DUOX1: variants seen among roughly 807,000 people sequenced by gnomAD.
DUOX1 encodes dual oxidase 1.
A neutral mutation model predicts 181.8 loss-of-function variants in DUOX1; 134 were observed. The observed-to-expected ratio is 0.74, with a 90% CI of 0.64 to 0.85. The LOEUF is 0.85. Among genes scored for constraint, DUOX1 ranks in the 40% least tolerant of loss-of-function variants. The pLI is 0.00. For missense variants in DUOX1, 1,814 were observed against 2,064.4 expected (o/e 0.88, Z 2.35); for synonymous variants, 798 against 832.5 (o/e 0.96, Z 0.71).
intron 21 of DUOX1, among the ~76,000 whole-genome samples, chr15:45,149,748 A>C (rs1338789647): frequency 6.6e-6 from 1 of 152,216 alleles, no homozygotes; most frequent in Non-Finnish European, 1.5e-5. Context: ...AGTACTCCAG[A>C]GGCTGAGGCA....
intron 2 of DUOX1, among the ~76,000 whole-genome samples, chr15:45,132,857 A>G (rs938132): frequency 0.58 from 88,196 of 152,040 alleles, 29,596 homozygotes; most frequent in Non-Finnish European, 0.76. Flanking sequence ...TATGTGCCAC[A>G]GGTTCATTTT....
chr15:45,162,146 C>A (rs998478576), intron 30 of DUOX1, 73 bp from the exon 31 acceptor site: 45 of 1,557,780 alleles, frequency 2.9e-5, no homozygotes, highest in Non-Finnish European at 3.9e-5. Context: ...TCTACCTTTC[C>A]TTTTCTCTCA....
chr15:45,132,944 G>A (rs1453959948), intron 2 of DUOX1, among the ~76,000 whole-genome samples: 2 of 152,160 alleles, frequency 1.3e-5, no homozygotes, highest in Non-Finnish European at 2.9e-5. Context: ...ATCAGGCCCT[G>A]AGTCATTTTC....
chr15:45,150,698 T>C lies in DUOX1; in HGVS notation c.2885T>C (p.Ile962Thr), dbSNP rs16939743. The C allele has an allele frequency of 0.015, 23,965 of 1,613,792 alleles. 1,968 individuals are homozygous for C. The African/African-American group carries it at 0.2, about 14-fold the overall frequency. ...GCCTCCTACATCAGCCAGGATATGA[T>C]CTGGTGAGCACCCATCTGGGAATGT... ...RRASYISQDM[I>T]CPSPRVSARC... Residue 962 changes from isoleucine to threonine, a missense_variant, in exon 22 of 34, where the codon ATC becomes ACC. By Grantham distance (89) the Ile-to-Thr change is moderately conservative. This residue lies in a region of DUOX1 where 1,064 missense variants were observed against 1,152.9 expected (regional missense o/e 0.92). Coordinates refer to ENST00000389037, the MANE Select transcript of DUOX1 (RefSeq NM_175940.3).
intron 15 of DUOX1, among the ~76,000 whole-genome samples, chr15:45,142,789 G>GGAAGGAAGGATGGA (rs1480496555): frequency 7.2e-6 from 1 of 139,762 alleles, no homozygotes; most frequent in Admixed American, 7.4e-5. Context: ...GGAAGGAAGG[G>GGAAGGAAGGATGGA]AGGGAGGAAG....
intron 9 of DUOX1, among the ~76,000 whole-genome samples, chr15:45,136,942 T>C (rs1896334453): frequency 6.6e-6 from 1 of 152,032 alleles, no homozygotes; most frequent in Non-Finnish European, 1.5e-5. Flanking sequence ...CTGGGGACAT[T>C]TTTAGCTATA....
intron 1 of DUOX1, among the ~76,000 whole-genome samples, chr15:45,131,282 C>A (rs1896137193): frequency 6.6e-6 from 1 of 152,192 alleles, no homozygotes; most frequent in South Asian, 2.1e-4. Context: ...AGGAAGCTTG[C>A]ACTAAATACA....
chr15:45,133,271 C>T (rs917994540), intron 2 of DUOX1, among the ~76,000 whole-genome samples: 1 of 152,166 alleles, frequency 6.6e-6, no homozygotes, highest in Admixed American at 6.5e-5. Context: ...CAAAGTCATC[C>T]ACATCACCAG....
intron 25 of DUOX1, 62 bp downstream of exon 25, chr15:45,152,578 G>A (rs777300325): frequency 4.9e-6 from 7 of 1,423,848 alleles, no homozygotes; most frequent in Admixed American, 1.8e-5. Context: ...ACTTCCCCTC[G>A]TATGAGAGCC....
intron 28 of DUOX1, among the ~76,000 whole-genome samples, chr15:45,158,833 C>T (rs1304794168): frequency 6.6e-6 from 1 of 151,406 alleles, no homozygotes; most frequent in Non-Finnish European, 1.5e-5. Context: ...ACTTAGGATT[C>T]GCTGTGACAA....
In DUOX1 at chr15:45,134,225, C is replaced by A. The variant is rs755317599; in HGVS notation, c.223C>A (p.Pro75Thr). ...CTTGGGAGAACCCCACCTGCCCAAC[C>A]CCCGAGACCTTAGCAACACCATCTC... is the stretch of plus-strand genomic sequence containing the variant. ...QPLGEPHLPN[P>T]RDLSNTISRG... Residue 75 changes from proline to threonine, a missense_variant, in exon 4 of 34, where the codon CCC becomes ACC. Transcript: ENST00000389037. 6.4e-7 allele frequency: 1 copy of A among 1,572,328 alleles called. No homozygotes were observed. The highest frequency in any genetic ancestry group is 8.6e-7 in the Non-Finnish European group (1 of 1,162,424).
intron 3 of DUOX1, 45 bp downstream of exon 3, chr15:45,133,992 T>C: frequency 1.2e-6 from 2 of 1,603,118 alleles, no homozygotes; most frequent in Non-Finnish European, 1.7e-6. Context: ...GCCAGGGGGG[T>C]ACTGAGTGCT....
Position 45,138,062 on chromosome 15 carries a change from TTA to T in DUOX1, c.1113+50_1113+51del, listed in dbSNP as rs762089643. 6.5e-5 allele frequency: 81 copies of T among 1,240,756 alleles called. No homozygotes were observed. In the African/African-American group the frequency reaches 1.2e-3, roughly 18 times the overall value. The allele number at this position is 1,240,756 out of a possible 1,614,324, so 76.9% of individuals were successfully genotyped here. A position where few individuals can be genotyped will look rare whatever the true frequency, so the allele number is the denominator to read the frequency against. On this transcript the variant is annotated intron_variant, in intron 10 of 33. Coordinates refer to ENST00000389037, the MANE Select transcript of DUOX1 (RefSeq NM_175940.3). ...GTGGTGGATGTGTGTGTGTGCATGC[TTA>T]TGTGTGTGTGTGTATGTGTGTGTGT...
chr15:45,161,133 G>T, intron 29 of DUOX1, 143 bp downstream of exon 29: 1 of 1,290,636 alleles, frequency 7.7e-7, no homozygotes, highest in Non-Finnish European at 1.1e-6. Context: ...GCTGGTAGGG[G>T]CAAGGCGCAG....
chr15:45,160,994 C>T lies in DUOX1; in HGVS notation c.3856+4C>T. 1 of 1,614,098 alleles carries T rather than the reference C, an allele frequency of 6.2e-7. No homozygotes were observed. The highest frequency in any genetic ancestry group is 1.1e-5 in the South Asian group (1 of 91,070). On this transcript the variant is annotated splice_donor_region_variant and intron_variant, in intron 29 of 33. Transcript: ENST00000389037. ...AAGGCGGAGCTGCTGCCCTCAGGTA[C>T]CAGCCTGGCAGGAGATCAGCTTGGT... is the stretch of plus-strand genomic sequence containing the variant.
intron 1 of DUOX1, among the ~76,000 whole-genome samples, chr15:45,130,940 C>A (rs1896114996): frequency 6.6e-6 from 1 of 152,256 alleles, no homozygotes; most frequent in Non-Finnish European, 1.5e-5. Flanking sequence ...TAAAGGCCAG[C>A]ACCTGGACAG....
chr15:45,162,893 AG>A (rs1897143264), intron 31 of DUOX1, among the ~76,000 whole-genome samples: 1 of 152,206 alleles, frequency 6.6e-6, no homozygotes, highest in Admixed American at 6.5e-5. Context: ...CTTTCACACC[AG>A]CCTGGACCTG....
At chr15:45,140,844 T>G in intron 12 of DUOX1, 51 bp from the exon 13 acceptor site, 1 of 1,590,236 alleles carries the variant, frequency 6.3e-7, no homozygotes, top group Non-Finnish European at 8.6e-7. Context: ...CTCTTTGCCT[T>G]AGGGTGGGTG....
At chr15:45,148,219 T>G in intron 20 of DUOX1, 53 bp from the exon 21 acceptor site, 1 of 1,610,316 alleles carries the variant, frequency 6.2e-7, no homozygotes, top group Non-Finnish European at 8.5e-7. Context: ...GTGTCCTGTG[T>G]CTGGGTCGCA....
Sources: allele counts gnomAD v4.1 joint callset (sites outside exome capture counted in the v4.1 genomes callset), GRCh38; gene constraint gnomAD v4.1.1; regional missense constraint gnomAD v4.1.1; transcripts MANE v1.5; gene names NCBI Gene and HGNC (gene_info 2026-07-23, HGNC 2026-07-21).